CTNNBL1: variants seen among roughly 807,000 people sequenced by gnomAD.
The protein encoded by CTNNBL1 is beta-catenin-like protein 1.
In CTNNBL1, 31 loss-of-function variants were observed where a neutral mutation model predicts 72.7. The observed-to-expected ratio is 0.43, with a 90% confidence interval of 0.32 to 0.58. The LOEUF (loss-of-function observed/expected upper bound fraction) is 0.58, where lower values mean the gene tolerates loss of function less well. Among genes scored for constraint, CTNNBL1 ranks in the 20% least tolerant of loss-of-function variants. CTNNBL1 has a pLI of 0.08. For synonymous variants in CTNNBL1, 240 were observed against 267.3 expected, an observed-to-expected ratio of 0.90 and a Z score of 1.00; for missense variants, 534 against 725.1, an observed-to-expected ratio of 0.74 and a Z score of 3.03.
intron 3 of CTNNBL1, among the ~76,000 whole-genome samples, chr20:37,740,099 A>T (rs11698998): frequency 0.31 from 47,124 of 152,078 alleles, 8,284 homozygotes; most frequent in South Asian, 0.43. Flanking sequence ...GATTTTATTT[A>T]AAAAAATCGG....
intron 11 of CTNNBL1, among the ~76,000 whole-genome samples, chr20:37,832,621 C>T (rs1274885299): frequency 6.6e-6 from 1 of 152,164 alleles, no homozygotes; most frequent in African/African-American, 2.4e-5. Flanking sequence ...CACTTGTTGG[C>T]ATGTCTGGAG....
At chr20:37,805,644 A>G (rs4811128) in intron 11 of CTNNBL1, among the ~76,000 whole-genome samples, 123,613 of 151,894 alleles carry the variant, frequency 0.81, 50,326 homozygotes, top group Middle Eastern at 0.89. Flanking sequence ...TGATCCGCCC[A>G]CCTTGGCCTC....
intron 10 of CTNNBL1, among the ~76,000 whole-genome samples, chr20:37,799,426 A>G (rs568374541): frequency 2.0e-5 from 3 of 152,066 alleles, no homozygotes; most frequent in Non-Finnish European, 4.4e-5. Context: ...GCACGCTCCT[A>G]CAGGCTGCAC....
At chr20:37,727,400 T>C (rs2073094278) in intron 1 of CTNNBL1, 1 of 968,154 alleles carries the variant, frequency 1.0e-6, no homozygotes, top group Non-Finnish European at 1.2e-6. Flanking sequence ...CTCTGAGCTT[T>C]GAGTGAGTGG....
chr20:37,778,033 C>A (rs1307125706), intron 9 of CTNNBL1, among the ~76,000 whole-genome samples: 3 of 152,160 alleles, frequency 2.0e-5, no homozygotes, highest in Admixed American at 2.0e-4. Context: ...ATTTGACCCA[C>A]TGCCAAGATT....
rs142148950 is a variant in CTNNBL1 at position 37,859,957 on chromosome 20, G to A, written c.1451G>A (p.Arg484Gln). Reference protein sequence around the residue: ...DNDTEEEFYLRRLDAGLFVLQ... With the variant: ...DNDTEEEFYLQRLDAGLFVLQ... Reference sequence around the variant, plus strand: ...GACACCGAGGAGGAGTTCTACCTCCGGCGCCTGGATGCGGGGCTCTTTGTT... The same window carrying A: ...GACACCGAGGAGGAGTTCTACCTCCAGCGCCTGGATGCGGGGCTCTTTGTT... The change falls in exon 14 of 16, where the codon CGG becomes CAG. Residue 484 changes from arginine (R) to glutamine (Q), a missense_variant. By Grantham distance (43) the Arg-to-Gln change is conservative (BLOSUM62 1). Coordinates refer to ENST00000361383, the MANE Select transcript of CTNNBL1 (RefSeq NM_030877.5). 3.4e-5 allele frequency: 55 copies of A among 1,614,036 alleles called. No individual in the cohort carries two copies. The highest frequency in any genetic ancestry group is 3.3e-4 in the Middle Eastern group (2 of 6,082).
chr20:37,822,261 T>C (rs2072114710), intron 11 of CTNNBL1, among the ~76,000 whole-genome samples: 1 of 152,038 alleles, frequency 6.6e-6, no homozygotes, highest in Non-Finnish European at 1.5e-5. Context: ...ACAGAGAAGA[T>C]GACATGGCCA....
At chr20:37,831,378 T>A (rs1332338547) in intron 11 of CTNNBL1, among the ~76,000 whole-genome samples, 8 of 102,644 alleles carry the variant, frequency 7.8e-5, no homozygotes, top group African/African-American at 2.9e-4. Flanking sequence ...TTTTTTTTTT[T>A]TTTTTGAGAT....
intron 7 of CTNNBL1, among the ~76,000 whole-genome samples, chr20:37,769,303 AT>A (rs1395116264): frequency 6.6e-6 from 1 of 152,192 alleles, no homozygotes; most frequent in Non-Finnish European, 1.5e-5. Flanking sequence ...GCACCTTAAC[AT>A]TTTTTGTAGT....
chr20:37,853,609 A>G (rs2072414872), intron 13 of CTNNBL1, among the ~76,000 whole-genome samples: 2 of 152,216 alleles, frequency 1.3e-5, no homozygotes, highest in South Asian at 4.1e-4. Flanking sequence ...GACCCATAAA[A>G]GGAGTCAGAA....
intron 7 of CTNNBL1, among the ~76,000 whole-genome samples, chr20:37,775,439 C>T (rs1197517534): frequency 2.0e-5 from 3 of 152,208 alleles, no homozygotes; most frequent in Non-Finnish European, 4.4e-5. Flanking sequence ...ACAGATGTCA[C>T]ATTTCACTGT....
intron 1 of CTNNBL1, among the ~76,000 whole-genome samples, chr20:37,720,821 G>T (rs2073034391): frequency 6.6e-6 from 1 of 152,180 alleles, no homozygotes; most frequent in South Asian, 2.1e-4. Context: ...ATATTTGTTA[G>T]AAGCAAGGGT....
At chr20:37,827,946 T>C (rs1415606877) in intron 11 of CTNNBL1, among the ~76,000 whole-genome samples, 4 of 152,132 alleles carry the variant, frequency 2.6e-5, no homozygotes, top group African/African-American at 9.7e-5. Context: ...CCTTCATATC[T>C]CTGGGCCTCT....
intron 15 of CTNNBL1, among the ~76,000 whole-genome samples, chr20:37,867,239 T>C (rs569220739): frequency 6.6e-6 from 1 of 152,308 alleles, no homozygotes; most frequent in East Asian, 1.9e-4. Flanking sequence ...TCAAGGGTTT[T>C]CAATGTGAAA....
At chr20:37,840,595 C>T in intron 12 of CTNNBL1, among the ~76,000 whole-genome samples, 1 of 152,176 alleles carries the variant, frequency 6.6e-6, no homozygotes. Context: ...TCAGTTTCAC[C>T]AGCTTCAACA....
At position 37,716,354 on chromosome 20, in the gene CTNNBL1, G is replaced by C. The variant is rs146641952; in HGVS notation, c.31-16525G>C. 2.8e-3 allele frequency among the ~76,000 whole-genome samples: 424 copies of C among 152,268 alleles called. 5 individuals are homozygous for C. The highest frequency in any genetic ancestry group is 0.017 in the East Asian group (88 of 5,182). ...TAGAGCTTGCAGGGAGAATTTGTAG[G>C]TGGCCAAGACGCATTTGCCCAGGCT... is the stretch of plus-strand genomic sequence containing the variant. On this transcript the variant is annotated intron_variant, in intron 1 of 15. Transcript: ENST00000361383.
intron 7 of CTNNBL1, among the ~76,000 whole-genome samples, chr20:37,771,191 G>A (rs552676772): frequency 1.3e-5 from 2 of 152,176 alleles, no homozygotes; most frequent in Non-Finnish European, 2.9e-5. Context: ...TATAGCAGTG[G>A]GTTTCAGCTG....
intron 15 of CTNNBL1, among the ~76,000 whole-genome samples, chr20:37,865,715 A>G (rs1408139864): frequency 6.6e-6 from 1 of 152,160 alleles, no homozygotes; most frequent in Non-Finnish European, 1.5e-5. Context: ...AGTCTTATCG[A>G]TGTTTTAGTC....
At chr20:37,855,612 C>G (rs1277578047) in intron 13 of CTNNBL1, among the ~76,000 whole-genome samples, 1 of 152,180 alleles carries the variant, frequency 6.6e-6, no homozygotes, top group Non-Finnish European at 1.5e-5. Flanking sequence ...CCCCTTCTCA[C>G]GTAGGCTGAT....
Sources: gnomAD v4.1 joint callset for allele counts (sites outside exome capture counted in the v4.1 genomes callset) on GRCh38, gnomAD v4.1.1 for gene constraint, MANE v1.5 for transcripts, NCBI Gene and HGNC (gene_info 2026-07-23, HGNC 2026-07-21) for gene names.